LAMC2: variants seen among roughly 807,000 people sequenced by gnomAD.
LAMC2 encodes the protein laminin subunit gamma 2, also known as laminin subunit gamma-2.
LAMC2 carries 97 observed loss-of-function variants against 140.2 expected under a neutral mutation model. That is an observed-to-expected ratio of 0.69 (90% CI 0.59 to 0.82). The LOEUF is 0.82. Among genes scored for constraint, LAMC2 ranks in the 40% least tolerant of loss-of-function variants. The pLI is 0.00. For missense variants in LAMC2, 1,402 were observed against 1,476.1 expected (o/e 0.95, Z 0.82); for synonymous variants, 513 against 540.2 (o/e 0.95, Z 0.70).
At position 183,235,641 on chromosome 1, in the gene LAMC2, C is replaced by T; in HGVS notation, c.2367C>T (p.Ala789=). 6.2e-7 allele frequency: 1 copy of T among 1,614,200 alleles called. No homozygotes were observed. Among genetic ancestry groups the T allele is most frequent in the Non-Finnish European group, 8.5e-7 (1 of 1,180,032 alleles). ...TRETEDYSKQ[A]LSLVRKALHE... ...AAACTGAGGACTATTCCAAACAAGCCCTCTCACTGGTGCGCAAGGCCCTGC... is the reference window on the plus strand; with the variant it reads ...AAACTGAGGACTATTCCAAACAAGCTCTCTCACTGGTGCGCAAGGCCCTGC... Residue 789 remains alanine (A), a synonymous_variant, in exon 16 of 23, where the codon GCC becomes GCT. Coordinates refer to ENST00000264144, the MANE Select transcript of LAMC2 (RefSeq NM_005562.3).
At chr1:183,241,824 T>C (rs771799793) in intron 22 of LAMC2, among the ~76,000 whole-genome samples, 3 of 151,374 alleles carry the variant, frequency 2.0e-5, no homozygotes, top group Non-Finnish European at 4.4e-5. Context: ...ACCTTCCCAA[T>C]TGAGACTTTA....
intron 10 of LAMC2, 71 bp downstream of exon 10, chr1:183,227,768 C>G: frequency 1.4e-6 from 2 of 1,397,366 alleles, no homozygotes; most frequent in African/African-American, 2.8e-5. Context: ...CAAATAGCTT[C>G]CATTCCGAGG....
chr1:183,258,959 G>A, the LAMC2 span, among the ~76,000 whole-genome samples: 1 of 152,090 alleles, frequency 6.6e-6, no homozygotes, highest in Non-Finnish European at 1.5e-5. Flanking sequence ...TAAAACTCTG[G>A]TCTCCCGCAC....
At chr1:183,233,715 C>T (rs1274702179) in intron 14 of LAMC2, among the ~76,000 whole-genome samples, 1 of 151,850 alleles carries the variant, frequency 6.6e-6, no homozygotes, top group African/African-American at 2.4e-5. Flanking sequence ...AAAAAATGTA[C>T]ATGTATATAT....
rs747366787 is a variant in LAMC2 at position 183,222,126 on chromosome 1, T to C, written c.678T>C (p.Ser226=). 1.9e-6 allele frequency: 3 copies of C among 1,614,152 alleles called. No homozygotes were observed. In the South Asian group the frequency reaches 3.3e-5, roughly 18 times the overall value. ...DGWKAVQRNG[S]PAKLQWSQRH... ...GGAAGGCTGTCCAACGAAATGGGTC[T>C]CCTGCAAAGCTCCAATGGTCACAGC... The change falls in exon 6 of 23, where the codon TCT becomes TCC. Residue 226 remains serine (S), a synonymous_variant. Transcript: ENST00000264144.
chr1:183,226,882 C>G lies in LAMC2; in HGVS notation c.1251C>G (p.Asn417Lys), dbSNP rs775527536. 1 of 1,614,044 alleles carries G rather than the reference C, an allele frequency of 6.2e-7. No homozygotes were observed. The highest frequency in any genetic ancestry group is 1.1e-5 in the South Asian group (1 of 91,070). ...LGPFGTCIPC[N>K]CQGGGACDPD... ...CTTTTGGCACCTGTATTCCTTGTAA[C>G]TGTCAAGGGGGAGGGGCCTGTGATC... Residue 417 changes from asparagine (N) to lysine (K), a missense_variant, in exon 9 of 23, where the codon AAC becomes AAG. Asn to Lys is a moderately conservative substitution (Grantham distance 94). Coordinates refer to ENST00000264144, the MANE Select transcript of LAMC2 (RefSeq NM_005562.3).
At chr1:183,242,487 ATAC>A (rs1660157311) in intron 22 of LAMC2, among the ~76,000 whole-genome samples, 1 of 152,258 alleles carries the variant, frequency 6.6e-6, no homozygotes, top group African/African-American at 2.4e-5. Context: ...GGTACCCTTC[ATAC>A]TGACATTAGT....
chr1:183,189,724 G>A (rs1012407390), intron 1 of LAMC2, among the ~76,000 whole-genome samples: 1 of 152,188 alleles, frequency 6.6e-6, no homozygotes, highest in African/African-American at 2.4e-5. Flanking sequence ...AATCAAAGAA[G>A]AAGAGGGTTT....
the LAMC2 span, among the ~76,000 whole-genome samples, chr1:183,258,391 A>G: frequency 0.01 from 1,536 of 152,290 alleles, 32 homozygotes; most frequent in African/African-American, 0.035. Flanking sequence ...CAAAATTATG[A>G]CTGAGGCAGT....
chr1:183,199,390 G>C (rs906074438), intron 1 of LAMC2, among the ~76,000 whole-genome samples: 2 of 151,658 alleles, frequency 1.3e-5, no homozygotes, highest in Non-Finnish European at 2.9e-5. Flanking sequence ...ACTTTTCTTA[G>C]AGTCAGACTG....
chr1:183,218,303 T>G, intron 3 of LAMC2, 87 bp from the exon 4 acceptor site: 7 of 1,046,654 alleles, frequency 6.7e-6, no homozygotes, highest in South Asian at 2.5e-5. Context: ...AGCTTCGTGA[T>G]GTTTGCTCAT....
At chr1:183,229,654 A>T (rs923426996) in intron 11 of LAMC2, among the ~76,000 whole-genome samples, 211 of 149,486 alleles carry the variant, frequency 1.4e-3, no homozygotes, top group Non-Finnish European at 2.3e-3. Flanking sequence ...AAAAAAAAAA[A>T]GTCCAGAGCC....
chr1:183,245,624 C>T (rs1337330378), downstream of LAMC2, among the ~76,000 whole-genome samples: 1 of 152,206 alleles, frequency 6.6e-6, no homozygotes, highest in Non-Finnish European at 1.5e-5. Flanking sequence ...GTGCCATGGT[C>T]CAAAACCCAG....
intron 1 of LAMC2, among the ~76,000 whole-genome samples, chr1:183,200,815 G>A (rs1658683624): frequency 6.6e-6 from 1 of 152,158 alleles, no homozygotes; most frequent in South Asian, 2.1e-4. Context: ...AGTCCAGCCT[G>A]TGTCTGGCTG....
intron 1 of LAMC2, among the ~76,000 whole-genome samples, chr1:183,201,714 T>C (rs544789020): frequency 4.9e-4 from 75 of 152,304 alleles, no homozygotes; most frequent in African/African-American, 1.7e-3. Context: ...GTTCACAGCC[T>C]GGCCAACAGG....
rs144908769 is a variant in LAMC2, at chr1:183,236,573, G to A, written c.2570G>A (p.Arg857Gln). The change falls in exon 17 of 23, where the codon CGG (arginine) becomes CAG (glutamine). Residue 857 changes from arginine (R) to glutamine (Q), a missense_variant. Physicochemically the swap from Arg to Gln is conservative, Grantham distance 43. Transcript: ENST00000264144. ...HSLRLLDSVS[R>Q]LQGVSDQSFQ... is the part of the protein sequence containing the mutation. ...CTCCGCCTCCTGGATTCAGTGTCTC[G>A]GCTTCAGGGAGTCAGTGATCAGTCC... is the stretch of plus-strand genomic sequence containing the variant. 1.3e-5 allele frequency: 21 copies of A among 1,614,094 alleles called. No individual in the cohort carries two copies. The highest frequency in any genetic ancestry group is 1.2e-4 in the African/African-American group (9 of 75,022).
At chr1:183,230,427 C>T (rs953785680) in intron 11 of LAMC2, among the ~76,000 whole-genome samples, 18 of 152,200 alleles carry the variant, frequency 1.2e-4, no homozygotes, top group African/African-American at 4.3e-4. Flanking sequence ...ACTCCTATAA[C>T]AGAACCTGGC....
intron 9 of LAMC2, 114 bp downstream of exon 9, chr1:183,227,030 G>A (rs1466116700): frequency 3.6e-6 from 3 of 835,240 alleles, no homozygotes; most frequent in Non-Finnish European, 2.0e-6. Context: ...ATTAAGGAGA[G>A]CAGAGCTGGA....
intron 2 of LAMC2, among the ~76,000 whole-genome samples, chr1:183,214,461 A>G (rs538695182): frequency 3.9e-5 from 6 of 152,256 alleles, no homozygotes; most frequent in African/African-American, 1.2e-4. Context: ...AAGTGCAAAT[A>G]CCTTGAGGGA....
Sources: gnomAD v4.1 joint callset for allele counts (sites outside exome capture counted in the v4.1 genomes callset) on GRCh38, gnomAD v4.1.1 for gene constraint, MANE v1.5 for transcripts, NCBI Gene and HGNC (gene_info 2026-07-23, HGNC 2026-07-21) for gene names.